Variants in PIDD1 observed in about 807,000 individuals in gnomAD.
PIDD1 encodes p53-induced death domain protein 1.
In PIDD1, 72 loss-of-function variants were observed where a neutral mutation model predicts 80.0. The observed-to-expected ratio is 0.90, with a 90% confidence interval of 0.74 to 1.09. The LOEUF is 1.09. Among genes scored for constraint, PIDD1 ranks in the 50% least tolerant of loss-of-function variants. The pLI, the probability that PIDD1 is intolerant of heterozygous loss-of-function variation, is 0.00. For missense variants in PIDD1, 1,329 were observed against 1,228.3 expected, an observed-to-expected ratio of 1.08 and a Z score of -1.23; for synonymous variants, 655 against 543.5, an observed-to-expected ratio of 1.21 and a Z score of -2.85.
rs141616633 is a variant in PIDD1 at position 799,578 on chromosome 11, G to A, written c.2475-13C>T. On this transcript the variant is annotated splice_polypyrimidine_tract_variant and intron_variant, in intron 15 of 15. Coordinates refer to ENST00000347755, the MANE Select transcript of PIDD1 (RefSeq NM_145886.4). ...ATCCAGATCATCCCTGCAGGCAGAG[G>A]ATGGGCGACAGAGGGGTCCTGTCCA... 366 of 1,585,322 alleles carry A rather than the reference G, an allele frequency of 2.3e-4. 3 individuals are homozygous for A. In the Middle Eastern group the frequency reaches 3.2e-3, roughly 14 times the overall value.
At position 801,567 on chromosome 11, in the gene PIDD1, G is replaced by C; in HGVS notation, c.1360C>G (p.Pro454Ala). The change falls in exon 8 of 16, where the codon CCT (proline) becomes GCT (alanine). Residue 454 changes from proline (P) to alanine (A), a missense_variant. Transcript: ENST00000347755. ...GGCACCAGGCAGGCATTGGACACAG[G>C]GCGGGAAACCACAAGGAACCAGGAG... ...HFSWFLVVSRPVSNACLVPPE... is the reference protein window; with the variant it reads ...HFSWFLVVSRAVSNACLVPPE... 6.4e-7 allele frequency: 1 copy of C among 1,569,476 alleles called. No homozygotes were observed.
chr11:807,433 T>C (rs1288743091), upstream of PIDD1, among the ~76,000 whole-genome samples: 17 of 144,990 alleles, frequency 1.2e-4, 1 homozygote, highest in Admixed American at 1.1e-3. Flanking sequence ...GAGCTGAGAT[T>C]GCGCCACTGC....
chr11:804,330 G>A lies in PIDD1; in HGVS notation c.59C>T (p.Ser20Leu), dbSNP rs750360768. ...LEAAAAAGDA[S>L]EDSDAGSRAL... ...CCTGGACCCTGCGTCCGAATCCTCTGAAGCATCTCCTGCGGCAGCAGCTGC... is the reference window on the plus strand; with the variant it reads ...CCTGGACCCTGCGTCCGAATCCTCTAAAGCATCTCCTGCGGCAGCAGCTGC... The change falls in exon 2 of 16, where the codon TCA becomes TTA. Residue 20 changes from serine (S) to leucine (L), a missense_variant. Ser to Leu is a moderately radical substitution (Grantham distance 145). Transcript: ENST00000347755. 2 of 1,611,370 alleles carry A rather than the reference G, an allele frequency of 1.2e-6. No individual in the cohort carries two copies. The highest frequency in any genetic ancestry group is 1.1e-5 in the South Asian group (1 of 91,026).
rs370102191 is a variant in PIDD1 at position 801,400 on chromosome 11, G to A, written c.1483-35C>T. 5.7e-5 allele frequency: 91 copies of A among 1,588,578 alleles called. No homozygotes were observed. The African/African-American group carries it at 1.1e-3, about 19-fold the overall frequency. On this transcript the variant is annotated intron_variant, in intron 8 of 15. Transcript: ENST00000347755. ...ACAGGCCCCCTGAGCACCTGCCTGT[G>A]GGCTGAGGCGCGGCCTGCCACCCTC...
In PIDD1 at chr11:800,894, G is replaced by A. The variant is rs1565055237; in HGVS notation, c.1785C>T (p.Thr595=). Residue 595 remains threonine (T), a synonymous_variant, in exon 11 of 16, where the codon ACC becomes ACT. Transcript: ENST00000347755. ...THFSWYWLWY[T]TKNCVGGLAR... is the part of the protein sequence containing the mutation. ...CCAGGCCTCCCACACAGTTCTTGGTGGTGTACCAGAGCCAGTACCTGGGAG... is the reference window on the plus strand; with the variant it reads ...CCAGGCCTCCCACACAGTTCTTGGTAGTGTACCAGAGCCAGTACCTGGGAG... The A allele has an allele frequency of 6.3e-7, 1 of 1,590,208 alleles. No homozygotes were observed. Among genetic ancestry groups the A allele is most frequent in the Non-Finnish European group, 8.6e-7 (1 of 1,169,106 alleles).
upstream of PIDD1, chr11:809,372 G>A (rs1865938253): frequency 6.6e-6 from 1 of 152,252 alleles, no homozygotes; most frequent in South Asian, 2.1e-4. Flanking sequence ...CGGCCTCCCA[G>A]ATAGGGCCGC....
upstream of PIDD1, among the ~76,000 whole-genome samples, chr11:808,772 CA>C (rs916300102): frequency 6.6e-6 from 1 of 152,014 alleles, no homozygotes; most frequent in Admixed American, 6.5e-5. Context: ...TGACCCTGAG[CA>C]AAAAAACCTT....
rs538832540 is a variant in PIDD1, at chr11:801,936, C to T, written c.1302+29G>A. On this transcript the variant is annotated intron_variant, in intron 7 of 15. Transcript: ENST00000347755. ...CGGCTCAGGGCAGCAGCTCTCCACT[C>T]GCCACCGGCAGGCCTGGGTGGCCCT... is the stretch of plus-strand genomic sequence containing the variant. 293 of 1,595,110 alleles carry T rather than the reference C, an allele frequency of 1.8e-4. No individual in the cohort carries two copies. In the East Asian group the frequency reaches 5.0e-3, roughly 27 times the overall value.
In PIDD1 at chr11:802,095, C is replaced by T; in HGVS notation, c.1177-5G>A. On this transcript the variant is annotated splice_region_variant and splice_polypyrimidine_tract_variant and intron_variant, in intron 6 of 15. Transcript: ENST00000347755. ...GAGCAGCCACAGCCCCACATCCTGCCAGACAAGGATGGTGTGAGCACTGGA... is the reference window on the plus strand; with the variant it reads ...GAGCAGCCACAGCCCCACATCCTGCTAGACAAGGATGGTGTGAGCACTGGA... 1 of 1,575,998 alleles carries T rather than the reference C, an allele frequency of 6.3e-7. No individual in the cohort carries two copies. The highest frequency in any genetic ancestry group is 1.2e-5 in the South Asian group (1 of 86,658).
At chr11:805,677 G>A (rs369980512), upstream of PIDD1, 24 of 985,412 alleles carry the variant, frequency 2.4e-5, no homozygotes, top group African/African-American at 2.1e-4. Flanking sequence ...GGCCTCCTCC[G>A]GGAAGCCTGC....
At position 799,325 on chromosome 11, in the gene PIDD1, T is replaced by C; in HGVS notation, c.2715A>G (p.Pro905=). 6.2e-7 allele frequency: 1 copy of C among 1,604,718 alleles called. No individual in the cohort carries two copies. Residue 905 remains proline, a synonymous_variant, in exon 16 of 16, where the codon CCA becomes CCG. Coordinates refer to ENST00000347755, the MANE Select transcript of PIDD1 (RefSeq NM_145886.4). Reference sequence around the variant, plus strand: ...GTGGGGCCTAGGCCTGGGCAGGCTCTGGGGGCTGTGGAGCCGAGGAGCCAG... The same window carrying C: ...GTGGGGCCTAGGCCTGGGCAGGCTCCGGGGGCTGTGGAGCCGAGGAGCCAG... ...ALPGSSAPQP[P]EPAQA is the part of the protein sequence containing the mutation.
chr11:804,643 G>A (rs552680229), intron 1 of PIDD1, 180 bp from the exon 2 acceptor site: 31 of 528,738 alleles, frequency 5.9e-5, no homozygotes, highest in Admixed American at 7.8e-5. Context: ...TGGAAAGAGG[G>A]TTGGGGAATG....
intron 15 of PIDD1, 117 bp from the exon 16 acceptor site, chr11:799,682 C>T: frequency 2.9e-6 from 4 of 1,396,430 alleles, no homozygotes; most frequent in Non-Finnish European, 3.8e-6. Flanking sequence ...GCGGCCAGAC[C>T]TTTCCTTTCC....
upstream of PIDD1, among the ~76,000 whole-genome samples, chr11:807,935 G>C (rs1003345111): frequency 6.6e-6 from 1 of 152,072 alleles, no homozygotes; most frequent in Non-Finnish European, 1.5e-5. Context: ...CTACCTTTTA[G>C]GTAGGTACTT....
chr11:799,370 G>A lies in PIDD1; in HGVS notation c.2670C>T (p.Ala890=). Residue 890 remains alanine, a synonymous_variant, in exon 16 of 16, where the codon GCC becomes GCT. Coordinates refer to ENST00000347755, the MANE Select transcript of PIDD1 (RefSeq NM_145886.4). ...YQDSIRRMGL[A]PKDPALPGSS... ...AGCCAGGCAGAGCGGGGTCCTTGGG[G>A]GCCAAGCCCATGCGTCGGATGCTGT... The A allele has an allele frequency of 6.2e-7, 1 of 1,611,652 alleles. No homozygotes were observed. Among genetic ancestry groups the A allele is most frequent in the Non-Finnish European group, 8.5e-7 (1 of 1,179,846 alleles).
Position 800,873 on chromosome 11 carries a change from GCC to G in PIDD1, c.1804_1805del (p.Gly602ProfsTer26), listed in dbSNP as rs2133768184. The G allele has an allele frequency of 6.3e-7, 1 of 1,585,936 alleles. No individual in the cohort carries two copies. Among genetic ancestry groups the G allele is most frequent in the Admixed American group, 1.8e-5 (1 of 55,420 alleles). On this transcript the variant is annotated frameshift_variant, in exon 11 of 16. Transcript: ENST00000347755. LOFTEE classifies it high-confidence loss of function. ...LWYTTKNCVGGLARKAWERLR... is the reference protein window; with the variant it reads ...LWYTTKNCVGXLARKAWERLR... ...GCCGCTCCCAGGCCTTCCGAGCCAGGCCTCCCACACAGTTCTTGGTGGTGTAC... is the reference window on the plus strand; with the variant it reads ...GCCGCTCCCAGGCCTTCCGAGCCAGGTCCCACACAGTTCTTGGTGGTGTAC...
chr11:802,858 T>G lies in PIDD1; in HGVS notation c.743A>C (p.His248Pro), dbSNP rs1377524750. 2 of 1,584,072 alleles carry G rather than the reference T, an allele frequency of 1.3e-6. No individual in the cohort carries two copies. The highest frequency in any genetic ancestry group is 2.3e-5 in the South Asian group (2 of 87,436). Residue 248 changes from histidine to proline, a missense_variant, in exon 4 of 16, where the codon CAC becomes CCC. By Grantham distance (77) the His-to-Pro change is moderately conservative (BLOSUM62 -2). Transcript: ENST00000347755. ...GLRSLRLLVL[H>P]SNLLASVPAD... is the part of the protein sequence containing the mutation. ...TGGCACAGAGGCCAGGAGGTTGCTG[T>G]GCAGGACAAGGAGCCGCAAGGACCG...
Position 802,875 on chromosome 11 carries a change from C to T in PIDD1, c.726G>A (p.Leu242=). 1 of 1,571,712 alleles carries T rather than the reference C, an allele frequency of 6.4e-7. No individual in the cohort carries two copies. Among genetic ancestry groups the T allele is most frequent in the Non-Finnish European group, 8.6e-7 (1 of 1,159,286 alleles). ...GGTTGCTGTGCAGGACAAGGAGCCG[C>T]AAGGACCGAAGTCCCGCTGCGGGCA... The part of the protein sequence containing the change: ...LPASLAGLRS[L]RLLVLHSNLL... Residue 242 remains leucine, a synonymous_variant, in exon 4 of 16, where the codon TTG becomes TTA. Transcript: ENST00000347755.
In PIDD1 at chr11:800,225, G is replaced by C. The variant is rs138482552; in HGVS notation, c.2180C>G (p.Ala727Gly). The change falls in exon 14 of 16, where the codon GCG (alanine) becomes GGG (glycine). Residue 727 changes from alanine (A) to glycine (G), a missense_variant. Coordinates refer to ENST00000347755, the MANE Select transcript of PIDD1 (RefSeq NM_145886.4). ...VRGQVSFYRGAVPVRVPEEAE... is the reference protein window; with the variant it reads ...VRGQVSFYRGGVPVRVPEEAE... ...CTCCTCGGGCACCCGCACAGGCACC[G>C]CGCCACGGTAGAAGGACACCTGAAG... 3.1e-6 allele frequency: 5 copies of C among 1,609,914 alleles called. No individual in the cohort carries two copies. The highest frequency in any genetic ancestry group is 2.7e-5 in the African/African-American group (2 of 74,902).
Sources: allele counts gnomAD v4.1 joint callset (sites outside exome capture counted in the v4.1 genomes callset), GRCh38; gene constraint gnomAD v4.1.1; transcripts MANE v1.5; gene names NCBI Gene and HGNC (gene_info 2026-07-23, HGNC 2026-07-21).